The following SIN3B variants were observed in gnomAD, a reference collection of about 807,000 sequenced individuals.
SIN3B encodes SIN3 transcription regulator family member B, also known as paired amphipathic helix protein Sin3b.
Under a neutral mutation model 120.2 loss-of-function variants are expected in SIN3B, and 19 were observed. That is an observed-to-expected ratio of 0.16 (90% CI 0.11 to 0.23). The LOEUF (loss-of-function observed/expected upper bound fraction) is 0.23, where lower values mean the gene tolerates loss of function less well. Among genes scored for constraint, SIN3B ranks in the 10% least tolerant of loss-of-function variants. SIN3B has a pLI of 1.00. For synonymous variants in SIN3B, 654 were observed against 653.2 expected, an observed-to-expected ratio of 1.00 and a Z score of -0.02; for missense variants, 1,073 against 1,573.0, an observed-to-expected ratio of 0.68 and a Z score of 5.38.
chr19:16,849,597 G>A (rs1971519285), intron 5 of SIN3B, among the ~76,000 whole-genome samples: 1 of 152,196 alleles, frequency 6.6e-6, no homozygotes, highest in Non-Finnish European at 1.5e-5. Flanking sequence ...GGTCCATCTA[G>A]CTCAGATGTT....
chr19:16,835,332 G>C (rs960645558), intron 3 of SIN3B, among the ~76,000 whole-genome samples: 16 of 150,836 alleles, frequency 1.1e-4, no homozygotes, highest in African/African-American at 3.9e-4. Context: ...GGGTTCAAGT[G>C]ATTCTCCTGC....
At chr19:16,869,344 T>C in intron 12 of SIN3B, 116 bp from the exon 13 acceptor site, 2 of 1,358,436 alleles carry the variant, frequency 1.5e-6, no homozygotes, top group Non-Finnish European at 2.0e-6. Context: ...CCCATCCTGC[T>C]CTGGGCAGCG....
At chr19:16,875,289 G>A (rs2051577911) in intron 14 of SIN3B, among the ~76,000 whole-genome samples, 1 of 144,432 alleles carries the variant, frequency 6.9e-6, no homozygotes, top group Non-Finnish European at 1.5e-5. Context: ...GTCTGGTCTG[G>A]TCTGGTTTTG....
chr19:16,862,281 T>C lies in SIN3B; in HGVS notation c.1059-71T>C. The C allele has an allele frequency of 8.2e-7, 1 of 1,221,968 alleles. No individual in the cohort carries two copies. Among genetic ancestry groups the C allele is most frequent in the Non-Finnish European group, 1.2e-6 (1 of 843,986 alleles). The allele number at this position is 1,221,968 out of a possible 1,614,324, so 75.7% of individuals were successfully genotyped here. ...AACTTGTAATGTCCACATGAAGCCA[T>C]TCTAAAATCTCCAGATCCCTCTCAG... On this transcript the variant is annotated intron_variant, in intron 8 of 18. Coordinates refer to ENST00000248054, the MANE Select transcript of SIN3B (RefSeq NM_001297595.2). This position sits in a 1 kb window ranked among gnomAD's most constrained non-coding sequence, Gnocchi z 4.7.
At chr19:16,853,181 A>T in intron 7 of SIN3B, 23 bp downstream of exon 7, 8 of 1,601,544 alleles carry the variant, frequency 5.0e-6, no homozygotes, top group Non-Finnish European at 6.8e-6. Flanking sequence ...CCTGGCTTCC[A>T]TCTTGGGGAT....
intron 3 of SIN3B, among the ~76,000 whole-genome samples, chr19:16,832,811 C>T (rs946373662): frequency 6.6e-6 from 1 of 151,984 alleles, no homozygotes; most frequent in Non-Finnish European, 1.5e-5. Context: ...GCTCACTGCC[C>T]CTTCTATCTC....
chr19:16,849,291 G>T (rs564226951), intron 5 of SIN3B, among the ~76,000 whole-genome samples: 1 of 152,326 alleles, frequency 6.6e-6, no homozygotes, highest in African/African-American at 2.4e-5. Flanking sequence ...CACAGGCTTT[G>T]CAGGCCAGTT....
chr19:16,855,369 T>TCC lies in SIN3B; in HGVS notation c.1058+1108_1058+1109insCC, dbSNP rs1491247135. ...CAGGAGGAACCCTCTGGGAGAAACCTTCCCCCCCCCCCCCCCAGCAAAATT... is the reference window on the plus strand; with the variant it reads ...CAGGAGGAACCCTCTGGGAGAAACCTCCTCCCCCCCCCCCCCCCAGCAAAATT... On this transcript the variant is annotated intron_variant, in intron 8 of 18. Transcript: ENST00000248054. 1.0e-3 allele frequency: 32 copies of TCC among 31,764 alleles called. 1 individual carries two copies. Among genetic ancestry groups the TCC allele is most frequent in the Non-Finnish European group, 1.3e-3 (20 of 15,446 alleles). 2.0% of individuals were successfully genotyped at this position (31,764 alleles called of 1,614,324 possible). A position where few individuals can be genotyped will look rare whatever the true frequency, so the allele number is the denominator to read the frequency against.
At chr19:16,831,688 G>A (rs375926238) in intron 3 of SIN3B, 41 bp downstream of exon 3, 18 of 1,600,472 alleles carry the variant, frequency 1.1e-5, no homozygotes, top group African/African-American at 6.7e-5. Flanking sequence ...AGCCTTCACC[G>A]AGTATGTCTT....
intron 1 of SIN3B, 87 bp downstream of exon 1, chr19:16,829,627 AG>A (rs1462267193): frequency 1.6e-6 from 1 of 643,682 alleles, no homozygotes; most frequent in Non-Finnish European, 1.8e-6. Context: ...GCCCGGCCCC[AG>A]CCCCACCTCG....
chr19:16,853,672 A>G (rs909696779), intron 7 of SIN3B, among the ~76,000 whole-genome samples: 1 of 149,064 alleles, frequency 6.7e-6, no homozygotes, highest in Admixed American at 6.7e-5. Context: ...GATTGCGTGC[A>G]TGGGCTGTGT....
rs765477087 is a variant in SIN3B, at chr19:16,876,260, G to A, written c.2766+32G>A. On this transcript the variant is annotated intron_variant, in intron 15 of 18. Transcript: ENST00000248054. This position sits in a 1 kb window ranked among gnomAD's most constrained non-coding sequence, Gnocchi z 7.1. ...GGAGGCCTGGGGCTGGGAACACGCC[G>A]GGAGGCCCGGCCGCTCACTCCGCTC... The A allele has an allele frequency of 7.0e-5, 111 of 1,590,226 alleles. No homozygotes were observed. Among genetic ancestry groups the A allele is most frequent in the Middle Eastern group, 3.3e-4 (2 of 5,982 alleles).
intron 8 of SIN3B, among the ~76,000 whole-genome samples, chr19:16,860,496 G>A (rs1264933538): frequency 1.3e-5 from 2 of 152,046 alleles, no homozygotes; most frequent in Non-Finnish European, 2.9e-5. Flanking sequence ...TACGGGGAAC[G>A]ACGGAGCCCA....
intron 5 of SIN3B, among the ~76,000 whole-genome samples, chr19:16,847,841 A>G (rs1971498672): frequency 6.6e-6 from 1 of 152,208 alleles, no homozygotes; most frequent in Non-Finnish European, 1.5e-5. Context: ...AACCTTCACC[A>G]CTACCTAGTT....
intron 8 of SIN3B, among the ~76,000 whole-genome samples, chr19:16,857,543 GT>G (rs1971632724): frequency 7.0e-6 from 1 of 142,510 alleles, no homozygotes; most frequent in Non-Finnish European, 1.5e-5. Context: ...GTGTGTGTGT[GT>G]GTGTGTGTGT....
At chr19:16,857,567 A>C (rs1167205274) in intron 8 of SIN3B, among the ~76,000 whole-genome samples, 3 of 131,116 alleles carry the variant, frequency 2.3e-5, no homozygotes, top group Non-Finnish European at 5.2e-5. Context: ...ATATACACAT[A>C]AACATTTTTC....
intron 4 of SIN3B, among the ~76,000 whole-genome samples, chr19:16,843,130 C>T (rs980344514): frequency 5.3e-5 from 8 of 152,080 alleles, no homozygotes; most frequent in Admixed American, 4.6e-4. Flanking sequence ...CAGAATCTTG[C>T]GCTGTCACCC....
rs199951704 is a variant in SIN3B at position 16,878,398 on chromosome 19, G to A, written c.3162+8G>A. 8.7e-6 allele frequency: 14 copies of A among 1,609,184 alleles called. No homozygotes were observed. The Admixed American group carries it at 1.3e-4, about 15-fold the overall frequency. ...CTCTGCCGGGCCAAGCAGGTGCCAG[G>A]GGAGGCCTGGGCTGCCCCGACATGC... On this transcript the variant is annotated splice_region_variant and intron_variant, in intron 18 of 18. Coordinates refer to ENST00000248054, the MANE Select transcript of SIN3B (RefSeq NM_001297595.2).
At chr19:16,852,613 C>T (rs369150557) in intron 6 of SIN3B, among the ~76,000 whole-genome samples, 1 of 152,186 alleles carries the variant, frequency 6.6e-6, no homozygotes, top group African/African-American at 2.4e-5. Flanking sequence ...TTGCCATGAT[C>T]GTGCATCCAA....
Sources: allele counts gnomAD v4.1 joint callset (sites outside exome capture counted in the v4.1 genomes callset), GRCh38; gene constraint gnomAD v4.1.1; non-coding constraint Gnocchi (gnomAD v3.1); transcripts MANE v1.5; gene names NCBI Gene and HGNC (gene_info 2026-07-23, HGNC 2026-07-21).